The following INVS variants were observed in gnomAD, a reference collection of about 807,000 sequenced individuals.
The protein encoded by INVS is inversion of embryo turning homolog.
In INVS, 86 loss-of-function variants were observed where a neutral mutation model predicts 108.8. That is an observed-to-expected ratio of 0.79 (90% CI 0.66 to 0.95). INVS has a LOEUF of 0.95. Among genes scored for constraint, INVS ranks in the 40% least tolerant of loss-of-function variants. The probability of loss-of-function intolerance (pLI) is 0.00; values close to 1 mark genes in which losing one functional copy is unlikely to be tolerated. For synonymous variants in INVS, 455 were observed against 473.5 expected (o/e 0.96, Z 0.51); for missense variants, 1,169 against 1,297.4 (o/e 0.90, Z 1.52).
rs754851749 is a variant in INVS at position 100,240,183 on chromosome 9, A to C, written c.739A>C (p.Asn247His). The change falls in exon 6 of 17, where the codon AAT becomes CAT. Residue 247 changes from asparagine (N) to histidine (H), a missense_variant. Around this residue, in one of 3 missense-constraint regions of INVS, gnomAD observed 365 missense variants for 397.5 expected, o/e 0.92. Transcript: ENST00000262457. ...VDVLTSYESC[N>H]ITSYDNLFRT... ...TGTCTTGACCTCATATGAAAGCTGC[A>C]ATATAACGTCTTATGATAACTTATT... is the stretch of plus-strand genomic sequence containing the variant. 3.7e-6 allele frequency: 6 copies of C among 1,614,046 alleles called. No homozygotes were observed. Among genetic ancestry groups the C allele is most frequent in the Non-Finnish European group, 5.1e-6 (6 of 1,179,938 alleles).
At chr9:100,124,921 A>C (rs758746779) in intron 2 of INVS, among the ~76,000 whole-genome samples, 26 of 152,284 alleles carry the variant, frequency 1.7e-4, no homozygotes, top group Non-Finnish European at 3.1e-4. Context: ...ATTCTCTTTC[A>C]ATTTTGTGGT....
chr9:100,186,506 C>T (rs1444772129), intron 3 of INVS, among the ~76,000 whole-genome samples: 1 of 152,142 alleles, frequency 6.6e-6, no homozygotes, highest in South Asian at 2.1e-4. Flanking sequence ...GTTCCCCTTT[C>T]ACCCCATTCA....
Position 100,292,529 on chromosome 9 carries a change from G to T in INVS, c.2272G>T (p.Glu758Ter). The T allele has an allele frequency of 6.2e-7, 1 of 1,614,172 alleles. No homozygotes were observed. Among genetic ancestry groups the T allele is most frequent in the Non-Finnish European group, 8.5e-7 (1 of 1,180,030 alleles). The change falls in exon 14 of 17, where the codon GAG becomes TAG. Residue 758 changes from glutamate to a stop codon, truncating the protein, a stop_gained. Transcript: ENST00000262457. LOFTEE classifies it high-confidence loss of function. ...GGTGGCTGGGCCTGATGAGAAAGGA[G>T]AGGACTCCAGGCGGGCAGCTGCAAG... is the stretch of plus-strand genomic sequence containing the variant. Reference protein sequence around the residue: ...IRVAGPDEKGEDSRRAAASLP... With the variant: ...IRVAGPDEKG
chr9:100,203,096 C>G (rs1447957362), intron 3 of INVS, among the ~76,000 whole-genome samples: 1 of 152,152 alleles, frequency 6.6e-6, no homozygotes, highest in Non-Finnish European at 1.5e-5. Flanking sequence ...TCCTAAGGTA[C>G]AAAGCATAAA....
chr9:100,265,815 G>A (rs1294872896), intron 11 of INVS, among the ~76,000 whole-genome samples: 5 of 152,196 alleles, frequency 3.3e-5, no homozygotes, highest in African/African-American at 1.2e-4. Context: ...GGTGGCTCAC[G>A]CCTGTAATCC....
intron 12 of INVS, among the ~76,000 whole-genome samples, chr9:100,276,514 GTTC>G (rs1455768070): frequency 1.3e-5 from 2 of 151,808 alleles, no homozygotes; most frequent in African/African-American, 2.4e-5. Context: ...ACAAACCCTC[GTTC>G]TTCTTTTTTT....
chr9:100,285,513 C>T (rs1488159357), intron 13 of INVS, among the ~76,000 whole-genome samples: 1 of 152,168 alleles, frequency 6.6e-6, no homozygotes, highest in Non-Finnish European at 1.5e-5. Flanking sequence ...GGAGGATTTA[C>T]TAGTTTGACT....
At chr9:100,121,575 C>T (rs546540734) in intron 2 of INVS, among the ~76,000 whole-genome samples, 3 of 152,262 alleles carry the variant, frequency 2.0e-5, no homozygotes, top group African/African-American at 7.2e-5. Context: ...ATTCTTGATA[C>T]TGGGAATTTG....
chr9:100,292,471 G>A lies in INVS; in HGVS notation c.2214G>A (p.Gly738=). Reference sequence around the variant, plus strand: ...CTGGCGATGAGCGGTGTGCAAAGGGGAAAGGCTTCGTGAAGCAGCCCTCCT... The same window carrying A: ...CTGGCGATGAGCGGTGTGCAAAGGGAAAAGGCTTCGTGAAGCAGCCCTCCT... ...ETAGDERCAK[G]KGFVKQPSCI... The change falls in exon 14 of 17, where the codon GGG becomes GGA. Residue 738 remains glycine (G), a synonymous_variant. Coordinates refer to ENST00000262457, the MANE Select transcript of INVS (RefSeq NM_014425.5). 1 of 1,614,188 alleles carries A rather than the reference G, an allele frequency of 6.2e-7. No individual in the cohort carries two copies. Among genetic ancestry groups the A allele is most frequent in the Non-Finnish European group, 8.5e-7 (1 of 1,180,030 alleles).
intron 5 of INVS, among the ~76,000 whole-genome samples, chr9:100,238,467 A>C (rs1831760271): frequency 6.6e-6 from 1 of 152,184 alleles, no homozygotes; most frequent in African/African-American, 2.4e-5. Flanking sequence ...TTTGGTATAC[A>C]TTCTGATTAT....
chr9:100,117,479 TC>T (rs1827572905), intron 2 of INVS: 1 of 784,052 alleles, frequency 1.3e-6, no homozygotes, highest in African/African-American at 1.7e-5. Flanking sequence ...GGCCTTGCCT[TC>T]TCGAGCTCCA....
At chr9:100,224,709 C>T (rs1831256088) in intron 3 of INVS, among the ~76,000 whole-genome samples, 1 of 151,962 alleles carries the variant, frequency 6.6e-6, no homozygotes, top group East Asian at 1.9e-4. Context: ...CTCTGCCTCC[C>T]GGGTTCAAGC....
intron 3 of INVS, among the ~76,000 whole-genome samples, chr9:100,163,626 G>T (rs1227843758): frequency 2.6e-5 from 4 of 152,154 alleles, no homozygotes; most frequent in African/African-American, 9.7e-5. Context: ...ACAGGTGAGG[G>T]TGATAGGGAG....
chr9:100,223,903 T>C (rs1276115568), intron 3 of INVS, among the ~76,000 whole-genome samples: 1 of 152,248 alleles, frequency 6.6e-6, no homozygotes, highest in Non-Finnish European at 1.5e-5. Context: ...TTCGTCCTTC[T>C]GCACCTCACT....
rs34728274 is a variant in INVS, at chr9:100,187,525, C to CTTTTTTTTTTTTTTTT, written c.274-38533_274-38518dup. Among the ~76,000 whole-genome samples the CTTTTTTTTTTTTTTTT allele has an allele frequency of 1.7e-4, 18 of 105,538 alleles. 2 individuals are homozygous for CTTTTTTTTTTTTTTTT. Among genetic ancestry groups the CTTTTTTTTTTTTTTTT allele is most frequent in the African/African-American group, 6.2e-4 (14 of 22,738 alleles). The allele number at this position is 105,538 out of a possible 152,430, so 69.2% of individuals were successfully genotyped here. ...CATTTGTTTGTATCATCTATGATTT[C>CTTTTTTTTTTTTTTTT]TTTTTTTTTTTTTTTTTTTGAGACA... On this transcript the variant is annotated intron_variant, in intron 3 of 16. Coordinates refer to ENST00000262457, the MANE Select transcript of INVS (RefSeq NM_014425.5).
At chr9:100,206,231 T>C (rs1830672720) in intron 3 of INVS, among the ~76,000 whole-genome samples, 2 of 152,142 alleles carry the variant, frequency 1.3e-5, no homozygotes, top group Non-Finnish European at 2.9e-5. Flanking sequence ...GAAAAGAGTA[T>C]GTAAAAATGT....
chr9:100,199,110 A>G (rs1026468123), intron 3 of INVS, among the ~76,000 whole-genome samples: 2 of 152,182 alleles, frequency 1.3e-5, no homozygotes, highest in Non-Finnish European at 2.9e-5. Flanking sequence ...TATCTTTATA[A>G]TCAGTAAATA....
intron 13 of INVS, among the ~76,000 whole-genome samples, chr9:100,291,483 G>C (rs1479161258): frequency 6.6e-6 from 1 of 152,148 alleles, no homozygotes; most frequent in Non-Finnish European, 1.5e-5. Flanking sequence ...TCTTGCTATT[G>C]TGTTAACTGT....
At chr9:100,279,053 G>A (rs937026314) in intron 12 of INVS, among the ~76,000 whole-genome samples, 4 of 152,156 alleles carry the variant, frequency 2.6e-5, no homozygotes, top group African/African-American at 9.7e-5. Flanking sequence ...ACAAATGCAG[G>A]TAAATACCGT....
Sources: gnomAD v4.1 joint callset for allele counts (sites outside exome capture counted in the v4.1 genomes callset) on GRCh38, gnomAD v4.1.1 for gene constraint, gnomAD v4.1.1 regional missense constraint, MANE v1.5 for transcripts, NCBI Gene and HGNC (gene_info 2026-07-23, HGNC 2026-07-21) for gene names.